VAT1L: variants seen among roughly 807,000 people sequenced by gnomAD.
VAT1L encodes the protein putative NADPH-dependent quinone oxidoreductase VAT1L.
VAT1L carries 34 observed loss-of-function variants against 44.1 expected under a neutral mutation model. The observed-to-expected ratio is 0.77, with a 90% CI of 0.59 to 1.03. The LOEUF (loss-of-function observed/expected upper bound fraction) is 1.03, where lower values mean the gene tolerates loss of function less well. Among genes scored for constraint, VAT1L ranks in the 50% least tolerant of loss-of-function variants. The pLI, the probability that VAT1L is intolerant of heterozygous loss-of-function variation, is 0.00. For synonymous variants in VAT1L, 253 were observed against 202.2 expected, an observed-to-expected ratio of 1.25 and a Z score of -2.13; for missense variants, 615 against 538.8, an observed-to-expected ratio of 1.14 and a Z score of -1.40.
intron 3 of VAT1L, among the ~76,000 whole-genome samples, chr16:77,834,283 G>A (rs965592162): frequency 2.0e-5 from 3 of 152,136 alleles, no homozygotes; most frequent in Non-Finnish European, 2.9e-5. Context: ...TAAGGTGTGT[G>A]GCCCTTGCCT....
At chr16:77,941,399 A>C (rs2017881764) in intron 7 of VAT1L, among the ~76,000 whole-genome samples, 1 of 152,178 alleles carries the variant, frequency 6.6e-6, no homozygotes, top group African/African-American at 2.4e-5. Context: ...GCAGTTGCTC[A>C]CTTGTATCTA....
At chr16:77,950,431 C>T (rs1597117294) in intron 7 of VAT1L, among the ~76,000 whole-genome samples, 2 of 151,582 alleles carry the variant, frequency 1.3e-5, no homozygotes, top group Non-Finnish European at 3.0e-5. Context: ...CACACACACA[C>T]ACACACACAC....
intron 3 of VAT1L, among the ~76,000 whole-genome samples, chr16:77,829,118 T>C (rs1294060597): frequency 6.6e-6 from 1 of 152,158 alleles, no homozygotes; most frequent in African/African-American, 2.4e-5. Flanking sequence ...AAACCTCTTC[T>C]CTTTCCATTC....
At chr16:77,876,264 G>C (rs1165116411) in intron 4 of VAT1L, 106 bp from the exon 5 acceptor site, 7 of 956,022 alleles carry the variant, frequency 7.3e-6, no homozygotes, top group Non-Finnish European at 1.2e-5. Flanking sequence ...GAGCTTTCAG[G>C]GTTCCTAATT....
In VAT1L at chr16:77,959,199, G is replaced by A. The variant is rs377338933; in HGVS notation, c.1078-12651G>A. On this transcript the variant is annotated intron_variant, in intron 7 of 8. Coordinates refer to ENST00000302536, the MANE Select transcript of VAT1L (RefSeq NM_020927.3). ...TGCAGCTGCTCTAAAAAGGAGCTGA[G>A]TGTTTGAATCCTTTCTCTACCCTTC... Among the ~76,000 whole-genome samples, 24 of 152,260 alleles carry A rather than the reference G, an allele frequency of 1.6e-4. 1 individual carries two copies. Among genetic ancestry groups the A allele is most frequent in the African/African-American group, 2.4e-4 (10 of 41,556 alleles).
intron 3 of VAT1L, among the ~76,000 whole-genome samples, chr16:77,838,078 C>T (rs1238987448): frequency 6.6e-6 from 1 of 152,128 alleles, no homozygotes; most frequent in African/African-American, 2.4e-5. Context: ...TGTCTCAAGC[C>T]CCCTTCCAAA....
rs554091282 is a variant in VAT1L at position 77,931,184 on chromosome 16, T to A, written c.1078-40666T>A. Among the ~76,000 whole-genome samples the A allele has an allele frequency of 3.9e-5, 6 of 152,326 alleles. No homozygotes were observed. The South Asian group carries it at 1.0e-3, about 26-fold the overall frequency. On this transcript the variant is annotated intron_variant, in intron 7 of 8. Coordinates refer to ENST00000302536, the MANE Select transcript of VAT1L (RefSeq NM_020927.3). ...TTATGACTCTCAGAAGAAGTTTTAATAAACTTTCTTTCATTGAACGACGTG... is the reference window on the plus strand; with the variant it reads ...TTATGACTCTCAGAAGAAGTTTTAAAAAACTTTCTTTCATTGAACGACGTG...
At chr16:77,952,286 A>G (rs1490178126) in intron 7 of VAT1L, among the ~76,000 whole-genome samples, 1 of 152,134 alleles carries the variant, frequency 6.6e-6, no homozygotes, top group Non-Finnish European at 1.5e-5. Flanking sequence ...TACAGTTTGG[A>G]TCTGTGTCCC....
intron 7 of VAT1L, among the ~76,000 whole-genome samples, chr16:77,936,978 G>A (rs1397586656): frequency 5.9e-5 from 9 of 152,136 alleles, no homozygotes; most frequent in Non-Finnish European, 8.8e-5. Context: ...TCCACCTACC[G>A]GGTTCAAGCA....
At chr16:77,877,266 T>A (rs568806118) in intron 5 of VAT1L, among the ~76,000 whole-genome samples, 3 of 152,132 alleles carry the variant, frequency 2.0e-5, no homozygotes, top group African/African-American at 7.2e-5. Flanking sequence ...ATCCCAGCAC[T>A]TTGGGAGGCC....
chr16:77,916,330 G>T (rs139136069), intron 7 of VAT1L, among the ~76,000 whole-genome samples: 1 of 152,138 alleles, frequency 6.6e-6, no homozygotes, highest in African/African-American at 2.4e-5. Flanking sequence ...ATGGTATGGC[G>T]CAAGGGGCTC....
chr16:77,877,156 G>A (rs1246543878), intron 5 of VAT1L, among the ~76,000 whole-genome samples: 2 of 152,058 alleles, frequency 1.3e-5, no homozygotes, highest in South Asian at 2.1e-4. Context: ...GAGGCTCCAG[G>A]GCCTCCTTTC....
intron 1 of VAT1L, among the ~76,000 whole-genome samples, chr16:77,811,768 C>T (rs2966058): frequency 0.61 from 93,090 of 152,002 alleles, 29,090 homozygotes; most frequent in South Asian, 0.72. Flanking sequence ...TCATCACTTA[C>T]TAGGTAACAG....
intron 7 of VAT1L, among the ~76,000 whole-genome samples, chr16:77,958,537 G>A (rs937912728): frequency 3.9e-5 from 6 of 152,174 alleles, no homozygotes; most frequent in Non-Finnish European, 8.8e-5. Context: ...CAGCACTGTG[G>A]AGCGTTGTTA....
At chr16:77,894,852 A>G (rs1356993800) in intron 7 of VAT1L, among the ~76,000 whole-genome samples, 3 of 152,190 alleles carry the variant, frequency 2.0e-5, no homozygotes, top group East Asian at 3.9e-4. Context: ...GAGATGGGGA[A>G]GAGGCACAGC....
chr16:77,801,900 A>C (rs539969397), intron 1 of VAT1L, among the ~76,000 whole-genome samples: 1 of 152,188 alleles, frequency 6.6e-6, no homozygotes, highest in Admixed American at 6.5e-5. Flanking sequence ...AATTGTTCCT[A>C]CTGGGGACCT....
At chr16:77,811,994 C>T (rs1232821131) in intron 1 of VAT1L, among the ~76,000 whole-genome samples, 1 of 152,120 alleles carries the variant, frequency 6.6e-6, no homozygotes. Flanking sequence ...CCAAACTCCA[C>T]CGCTAATTGA....
intron 7 of VAT1L, among the ~76,000 whole-genome samples, chr16:77,913,956 G>A (rs1052604996): frequency 6.6e-6 from 1 of 152,150 alleles, no homozygotes. Context: ...AACATTGACT[G>A]ATAAAATGCC....
intron 4 of VAT1L, among the ~76,000 whole-genome samples, chr16:77,864,344 G>C (rs1287010408): frequency 6.6e-6 from 1 of 152,180 alleles, no homozygotes; most frequent in East Asian, 1.9e-4. Context: ...TATAATCCCA[G>C]CACTTTGGGA....
Sources: gnomAD v4.1 joint callset for allele counts (sites outside exome capture counted in the v4.1 genomes callset) on GRCh38, gnomAD v4.1.1 for gene constraint, MANE v1.5 for transcripts, NCBI Gene and HGNC (gene_info 2026-07-23, HGNC 2026-07-21) for gene names.